The following SGCZ variants were observed in gnomAD, a reference collection of about 807,000 sequenced individuals.
SGCZ encodes zeta-sarcoglycan.
SGCZ carries 40 observed loss-of-function variants against 41.3 expected under a neutral mutation model. The ratio of observed to expected loss-of-function variants is 0.97; its 90% CI spans 0.75 to 1.26. The LOEUF (loss-of-function observed/expected upper bound fraction) is 1.26, where lower values mean the gene tolerates loss of function less well. Among genes scored for constraint, SGCZ ranks in the 50% most tolerant of loss-of-function variants. The pLI, the probability that SGCZ is intolerant of heterozygous loss-of-function variation, is 0.00. For synonymous variants in SGCZ, 206 were observed against 137.5 expected, an observed-to-expected ratio of 1.50 and a Z score of -3.49; for missense variants, 552 against 369.8, an observed-to-expected ratio of 1.49 and a Z score of -4.04.
At chr8:15,093,647 G>GTTCT (rs1290108334) in intron 1 of SGCZ, among the ~76,000 whole-genome samples, 1 of 152,084 alleles carries the variant, frequency 6.6e-6, no homozygotes, top group Non-Finnish European at 1.5e-5. Context: ...ATCAGGGAAT[G>GTTCT]GTAGAACATC....
intron 2 of SGCZ, among the ~76,000 whole-genome samples, chr8:14,357,073 A>C (rs1803325100): frequency 6.6e-6 from 1 of 152,074 alleles, no homozygotes; most frequent in South Asian, 2.1e-4. Context: ...AGTAAATGAA[A>C]TATTAAATTG....
intron 2 of SGCZ, among the ~76,000 whole-genome samples, chr8:14,458,753 T>C (rs1452307240): frequency 6.6e-6 from 1 of 152,120 alleles, no homozygotes; most frequent in Non-Finnish European, 1.5e-5. Flanking sequence ...CTCTGTCTGC[T>C]AAAAGGGCCT....
At chr8:15,166,392 C>T (rs967965896) in intron 1 of SGCZ, among the ~76,000 whole-genome samples, 14 of 152,078 alleles carry the variant, frequency 9.2e-5, no homozygotes, top group African/African-American at 1.9e-4. Context: ...GGACTACAGG[C>T]GCCCACCACC....
At chr8:15,067,458 G>C (rs1805197066) in intron 1 of SGCZ, among the ~76,000 whole-genome samples, 1 of 152,158 alleles carries the variant, frequency 6.6e-6, no homozygotes. Context: ...GATAAGTTAA[G>C]TGACTTTACA....
intron 3 of SGCZ, among the ~76,000 whole-genome samples, chr8:14,265,674 C>G (rs1185272482): frequency 6.6e-6 from 1 of 150,806 alleles, no homozygotes; most frequent in Non-Finnish European, 1.5e-5. Flanking sequence ...CTTTGTTTCC[C>G]TAAACAGTAA....
chr8:15,043,639 T>A (rs577081001), intron 1 of SGCZ, among the ~76,000 whole-genome samples: 97 of 152,224 alleles, frequency 6.4e-4, no homozygotes, highest in African/African-American at 2.3e-3. Flanking sequence ...TATGTAACAA[T>A]CTTTTCTATA....
chr8:14,500,753 T>A (rs1440096703), intron 2 of SGCZ, among the ~76,000 whole-genome samples: 1 of 152,104 alleles, frequency 6.6e-6, no homozygotes, highest in East Asian at 1.9e-4. Flanking sequence ...ATTTTAGTAG[T>A]ATATGCCTTA....
At chr8:14,401,534 G>A (rs527827194) in intron 2 of SGCZ, among the ~76,000 whole-genome samples, 32 of 147,304 alleles carry the variant, frequency 2.2e-4, no homozygotes, top group African/African-American at 4.3e-4. Flanking sequence ...GAGAATATGC[G>A]GTGTTTGGTT....
At chr8:14,912,846 G>A (rs1363629791) in intron 1 of SGCZ, among the ~76,000 whole-genome samples, 2 of 152,018 alleles carry the variant, frequency 1.3e-5, no homozygotes, top group Admixed American at 6.6e-5. Flanking sequence ...TCTTTTGGAA[G>A]GTTACCAAGC....
intron 1 of SGCZ, among the ~76,000 whole-genome samples, chr8:14,593,070 G>C (rs10093701): frequency 0.31 from 46,380 of 151,860 alleles, 7,168 homozygotes; most frequent in Admixed American, 0.32. Context: ...GTGTGGTCAG[G>C]TGAATAATGC....
At chr8:14,635,524 A>C (rs981189415) in intron 1 of SGCZ, among the ~76,000 whole-genome samples, 1 of 151,948 alleles carries the variant, frequency 6.6e-6, no homozygotes, top group Non-Finnish European at 1.5e-5. Flanking sequence ...GGAGAAATAC[A>C]CTCTGAAAAT....
chr8:14,309,457 T>C (rs1801455527), intron 3 of SGCZ: 1 of 1,605,672 alleles, frequency 6.2e-7, no homozygotes, highest in African/African-American at 1.3e-5. Flanking sequence ...ATGACTGCAG[T>C]GATGATGTAT....
At chr8:15,110,428 T>A (rs1807003658) in intron 1 of SGCZ, among the ~76,000 whole-genome samples, 1 of 152,242 alleles carries the variant, frequency 6.6e-6, no homozygotes, top group African/African-American at 2.4e-5. Flanking sequence ...AGCTGAATGC[T>A]GCATGAGATT....
chr8:14,302,332 C>A (rs951814155), intron 3 of SGCZ, among the ~76,000 whole-genome samples: 12 of 152,080 alleles, frequency 7.9e-5, no homozygotes, highest in Non-Finnish European at 1.8e-4. Flanking sequence ...CCAGGTCACC[C>A]TTATATAGGT....
chr8:14,324,480 C>T (rs1322556941), intron 2 of SGCZ, among the ~76,000 whole-genome samples: 1 of 152,102 alleles, frequency 6.6e-6, no homozygotes, highest in Non-Finnish European at 1.5e-5. Context: ...CCTTTACTTT[C>T]TTCATGCATC....
intron 1 of SGCZ, among the ~76,000 whole-genome samples, chr8:14,685,478 C>T (rs1394208920): frequency 6.6e-6 from 1 of 151,872 alleles, no homozygotes; most frequent in African/African-American, 2.4e-5. Context: ...TTGGAGGAGC[C>T]CTTTTATATG....
At chr8:14,479,613 A>G (rs1041404124) in intron 2 of SGCZ, among the ~76,000 whole-genome samples, 30 of 152,114 alleles carry the variant, frequency 2.0e-4, no homozygotes, top group African/African-American at 7.0e-4. Flanking sequence ...TGCTTCTGCA[A>G]TTTTAATTCC....
rs148610160 is a variant in SGCZ at position 14,800,702 on chromosome 8, T to C, written c.40-245776A>G. On this transcript the variant is annotated intron_variant, in intron 1 of 7. Coordinates refer to ENST00000382080, the MANE Select transcript of SGCZ (RefSeq NM_139167.4). ...GCTTCCCTTTCCCCTTCTGCCATGA[T>C]TGTAAGTTTCCTGAGGCCTCCCCAG... 2.8e-3 allele frequency among the ~76,000 whole-genome samples: 434 copies of C among 152,292 alleles called. 2 individuals carry two copies. Among genetic ancestry groups the C allele is most frequent in the African/African-American group, 9.8e-3 (408 of 41,562 alleles).
intron 1 of SGCZ, among the ~76,000 whole-genome samples, chr8:15,053,139 C>A (rs572949697): frequency 6.6e-6 from 1 of 152,256 alleles, no homozygotes; most frequent in African/African-American, 2.4e-5. Context: ...AGTGTCCTCT[C>A]TTTCCTATTT....
Sources: allele counts gnomAD v4.1 joint callset (sites outside exome capture counted in the v4.1 genomes callset), GRCh38; gene constraint gnomAD v4.1.1; transcripts MANE v1.5; gene names NCBI Gene and HGNC (gene_info 2026-07-23, HGNC 2026-07-21).